VSNL1: variants seen among roughly 807,000 people sequenced by gnomAD.
The protein encoded by VSNL1 is visinin like 1.
VSNL1 carries 6 observed loss-of-function variants against 20.4 expected under a neutral mutation model. The observed-to-expected ratio is 0.29, with a 90% CI of 0.16 to 0.58. The LOEUF is 0.58. VSNL1 is among the 20% of genes least tolerant of loss of function. VSNL1 has a pLI of 0.90. For missense variants in VSNL1, 100 were observed against 234.5 expected (o/e 0.43, Z 3.75); for synonymous variants, 93 against 86.4 (o/e 1.08, Z -0.42).
intron 2 of VSNL1, among the ~76,000 whole-genome samples, chr2:17,600,230 A>T (rs1664793814): frequency 6.6e-6 from 1 of 152,188 alleles, no homozygotes. Context: ...AAATCCACAG[A>T]CCACTCTGCC....
chr2:17,628,639 G>A (rs1448963268), intron 2 of VSNL1, among the ~76,000 whole-genome samples: 1 of 152,194 alleles, frequency 6.6e-6, no homozygotes, highest in Non-Finnish European at 1.5e-5. Context: ...CCCTCTAAAT[G>A]GTGTTAGAGA....
intron 1 of VSNL1, among the ~76,000 whole-genome samples, chr2:17,549,963 C>T (rs2103338068): frequency 6.6e-6 from 1 of 152,236 alleles, no homozygotes; most frequent in East Asian, 1.9e-4. Flanking sequence ...GGCATCACAC[C>T]TGTGCTTTAG....
intron 1 of VSNL1, among the ~76,000 whole-genome samples, chr2:17,566,471 T>C (rs751342228): frequency 2.0e-5 from 3 of 152,080 alleles, no homozygotes; most frequent in Non-Finnish European, 4.4e-5. Flanking sequence ...CCTTCATAAT[T>C]TTTCATTTTC....
chr2:17,546,761 G>A (rs554707413), intron 1 of VSNL1, among the ~76,000 whole-genome samples: 12 of 152,064 alleles, frequency 7.9e-5, no homozygotes, highest in Admixed American at 2.6e-4. Flanking sequence ...TGCTGCACAA[G>A]GCTCACTTTC....
intron 2 of VSNL1, among the ~76,000 whole-genome samples, chr2:17,642,559 C>T (rs1206330209): frequency 6.6e-6 from 1 of 152,152 alleles, no homozygotes; most frequent in East Asian, 1.9e-4. Context: ...CTGCCCGCCT[C>T]AGCCTCCCAA....
At chr2:17,619,351 G>C (rs1246676106) in intron 2 of VSNL1, among the ~76,000 whole-genome samples, 1 of 152,238 alleles carries the variant, frequency 6.6e-6, no homozygotes, top group Non-Finnish European at 1.5e-5. Context: ...TTCTCAGCAG[G>C]CTAATTTTTC....
intron 2 of VSNL1, among the ~76,000 whole-genome samples, chr2:17,642,037 C>G (rs1007311703): frequency 1.3e-5 from 2 of 152,152 alleles, no homozygotes; most frequent in African/African-American, 2.4e-5. Context: ...TGAAGCTTAT[C>G]TGATTTATCC....
intron 1 of VSNL1, among the ~76,000 whole-genome samples, chr2:17,562,290 C>A (rs1663834381): frequency 1.3e-5 from 2 of 152,092 alleles, no homozygotes; most frequent in Admixed American, 6.5e-5. Context: ...GAAAGAAACC[C>A]TATTCAGTTT....
chr2:17,618,020 C>T (rs1372049585), intron 2 of VSNL1, among the ~76,000 whole-genome samples: 1 of 152,032 alleles, frequency 6.6e-6, no homozygotes, highest in African/African-American at 2.4e-5. Flanking sequence ...GCAGCAGTAC[C>T]CGGGGAAAGA....
At chr2:17,647,390 C>T (rs1666021616) in intron 2 of VSNL1, among the ~76,000 whole-genome samples, 1 of 152,150 alleles carries the variant, frequency 6.6e-6, no homozygotes, top group African/African-American at 2.4e-5. Context: ...CTCTGCTCCA[C>T]TCCAAGTCAG....
At chr2:17,609,912 T>A (rs2103392301) in intron 2 of VSNL1, among the ~76,000 whole-genome samples, 1 of 152,300 alleles carries the variant, frequency 6.6e-6, no homozygotes, top group East Asian at 1.9e-4. Flanking sequence ...CTGCACCCAC[T>A]CCCCAGCCTT....
At chr2:17,570,067 C>G (rs1358418265) in intron 1 of VSNL1, among the ~76,000 whole-genome samples, 1 of 152,186 alleles carries the variant, frequency 6.6e-6, no homozygotes, top group Non-Finnish European at 1.5e-5. Context: ...ATTTTGAAAT[C>G]TTGCAAATCT....
intron 1 of VSNL1, among the ~76,000 whole-genome samples, chr2:17,590,531 C>T (rs573903407): frequency 3.3e-5 from 5 of 152,190 alleles, no homozygotes; most frequent in African/African-American, 9.6e-5. Context: ...CTCATGCTGA[C>T]GAGTTTGGAG....
At chr2:17,645,740 G>A (rs1305226628) in intron 2 of VSNL1, among the ~76,000 whole-genome samples, 1 of 152,228 alleles carries the variant, frequency 6.6e-6, no homozygotes, top group Non-Finnish European at 1.5e-5. Context: ...GTTAAACCAT[G>A]CAAAGACTCC....
chr2:17,618,019 C>G (rs558778338), intron 2 of VSNL1, among the ~76,000 whole-genome samples: 12 of 152,036 alleles, frequency 7.9e-5, no homozygotes, highest in Non-Finnish European at 1.5e-4. Context: ...AGCAGCAGTA[C>G]CCGGGGAAAG....
chr2:17,653,674 T>C (rs1666167683), intron 3 of VSNL1, among the ~76,000 whole-genome samples: 1 of 152,254 alleles, frequency 6.6e-6, no homozygotes, highest in Admixed American at 6.5e-5. Flanking sequence ...TTTTAACTTG[T>C]TAAATAAAGC....
At chr2:17,598,615 G>A (rs1310078805) in intron 2 of VSNL1, among the ~76,000 whole-genome samples, 1 of 152,166 alleles carries the variant, frequency 6.6e-6, no homozygotes, top group Non-Finnish European at 1.5e-5. Flanking sequence ...GTTTAAATAG[G>A]CTTCAGGAGT....
chr2:17,616,150 GC>G (rs1294737593), intron 2 of VSNL1, among the ~76,000 whole-genome samples: 4 of 152,212 alleles, frequency 2.6e-5, no homozygotes, highest in African/African-American at 9.6e-5. Context: ...CACATGGGTG[GC>G]TCACAGTCCC....
chr2:17,564,242 G>A (rs953095277), intron 1 of VSNL1, among the ~76,000 whole-genome samples: 2 of 152,042 alleles, frequency 1.3e-5, no homozygotes, highest in Non-Finnish European at 2.9e-5. Flanking sequence ...TTTCTATGTG[G>A]TCTGGCAACC....
Sources: gnomAD v4.1 joint callset for allele counts (sites outside exome capture counted in the v4.1 genomes callset) on GRCh38, gnomAD v4.1.1 for gene constraint, MANE v1.5 for transcripts, NCBI Gene and HGNC (gene_info 2026-07-23, HGNC 2026-07-21) for gene names.